PCDH15: variants seen among roughly 807,000 people sequenced by gnomAD.
The protein encoded by PCDH15 is protocadherin-15.
PCDH15 carries 129 observed loss-of-function variants against 178.5 expected under a neutral mutation model. The observed-to-expected ratio is 0.72, with a 90% CI of 0.63 to 0.84. The LOEUF (loss-of-function observed/expected upper bound fraction) is 0.84. Ranked by LOEUF, PCDH15 falls within the 40% of genes least tolerant of loss-of-function variation. The probability of loss-of-function intolerance (pLI) is 0.00; values close to 1 mark genes in which losing one functional copy is unlikely to be tolerated. For synonymous variants in PCDH15, 800 were observed against 732.0 expected (o/e 1.09, Z -1.50); for missense variants, 2,230 against 2,099.9 (o/e 1.06, Z -1.21).
intron 2 of PCDH15, among the ~76,000 whole-genome samples, chr10:55,164,573 A>C (rs1403817111): frequency 1.3e-5 from 2 of 152,168 alleles, no homozygotes; most frequent in South Asian, 2.1e-4. Context: ...ATATTTCTGC[A>C]AAATTACCAA....
intron 1 of PCDH15, among the ~76,000 whole-genome samples, chr10:55,174,438 C>T (rs1159313065): frequency 6.6e-6 from 1 of 152,208 alleles, no homozygotes; most frequent in Non-Finnish European, 1.5e-5. Context: ...AACTGCAGGA[C>T]AGAGAAGCTT....
intron 2 of PCDH15, among the ~76,000 whole-genome samples, chr10:54,930,294 A>C (rs1315013776): frequency 6.6e-6 from 1 of 152,116 alleles, no homozygotes; most frequent in Non-Finnish European, 1.5e-5. Flanking sequence ...TGTAAATCAG[A>C]CACCACCTCC....
At chr10:54,372,719 A>G (rs904274812) in intron 4 of PCDH15, among the ~76,000 whole-genome samples, 2 of 151,908 alleles carry the variant, frequency 1.3e-5, no homozygotes, top group Non-Finnish European at 2.9e-5. Context: ...TTCATCAAAC[A>G]AAGAAGAAAA....
At chr10:54,503,223 A>ATGTG (rs1318349172) in intron 3 of PCDH15, among the ~76,000 whole-genome samples, 35 of 94,686 alleles carry the variant, frequency 3.7e-4, no homozygotes, top group African/African-American at 1.4e-3. Flanking sequence ...ATATACATAT[A>ATGTG]TATGTGTGTG....
intron 1 of PCDH15, among the ~76,000 whole-genome samples, chr10:54,800,049 A>G (rs1372533786): frequency 6.6e-6 from 1 of 152,116 alleles, no homozygotes; most frequent in Non-Finnish European, 1.5e-5. Context: ...GCAAATGAGT[A>G]TGACTTGGAG....
intron 2 of PCDH15, among the ~76,000 whole-genome samples, chr10:55,614,176 T>C (rs1203245870): frequency 6.6e-6 from 1 of 152,066 alleles, no homozygotes; most frequent in African/African-American, 2.4e-5. Flanking sequence ...AAATTTTACT[T>C]TAGGTTTGAA....
At chr10:55,455,433 G>T (rs900080242) in intron 2 of PCDH15, among the ~76,000 whole-genome samples, 1 of 151,838 alleles carries the variant, frequency 6.6e-6, no homozygotes, top group Non-Finnish European at 1.5e-5. Flanking sequence ...CTAGCATTCA[G>T]ATCCTTAATA....
At chr10:55,543,741 A>G (rs113561055) in intron 2 of PCDH15, among the ~76,000 whole-genome samples, 15 of 151,840 alleles carry the variant, frequency 9.9e-5, no homozygotes, top group African/African-American at 3.1e-4. Context: ...AACAAGCAAC[A>G]TAAGATTGTG....
At chr10:54,242,128 TTTTATATATATA>T (rs1336848462) in intron 8 of PCDH15, among the ~76,000 whole-genome samples, 2,192 of 61,912 alleles carry the variant, frequency 0.035, 142 homozygotes, top group South Asian at 0.044. Context: ...TGAATTCTAT[TTTTATATATATA>T]TATATATATA....
At chr10:55,026,687 G>A (rs541114510) in intron 2 of PCDH15, among the ~76,000 whole-genome samples, 1 of 152,050 alleles carries the variant, frequency 6.6e-6, no homozygotes, top group East Asian at 1.9e-4. Flanking sequence ...GCTTTAAAGA[G>A]AGAATGAGGG....
intron 8 of PCDH15, among the ~76,000 whole-genome samples, chr10:54,299,695 C>G (rs2060031989): frequency 6.6e-6 from 1 of 152,082 alleles, no homozygotes; most frequent in African/African-American, 2.4e-5. Flanking sequence ...TCCTCCCAGG[C>G]AGTTAAGGGA....
chr10:53,813,063 A>G (rs1270236587), intron 35 of PCDH15, among the ~76,000 whole-genome samples: 6 of 152,190 alleles, frequency 3.9e-5, no homozygotes, highest in Non-Finnish European at 7.3e-5. Context: ...AATGACACCA[A>G]CACTGTGGAT....
At chr10:55,222,730 C>CACACACACACATATATATATATATAT in intron 1 of PCDH15, among the ~76,000 whole-genome samples, 1 of 121,270 alleles carries the variant, frequency 8.2e-6, no homozygotes, top group African/African-American at 3.4e-5. Flanking sequence ...CACACACACA[C>CACACACACACATATATATATATATAT]ATATATATAT....
intron 7 of PCDH15, among the ~76,000 whole-genome samples, chr10:54,325,967 CATTTT>C (rs1937969639): frequency 6.6e-6 from 1 of 151,952 alleles, no homozygotes; most frequent in Admixed American, 6.6e-5. Context: ...AATGGAGGTA[CATTTT>C]AGATATATGG....
At chr10:55,317,719 G>T (rs1308959278) in intron 1 of PCDH15, among the ~76,000 whole-genome samples, 2 of 138,978 alleles carry the variant, frequency 1.4e-5, no homozygotes, top group African/African-American at 5.2e-5. Context: ...GCTTAAAACA[G>T]AAAAAAAAAA....
At chr10:53,988,866 A>T (rs2091283264) in intron 21 of PCDH15, among the ~76,000 whole-genome samples, 1 of 151,716 alleles carries the variant, frequency 6.6e-6, no homozygotes. Flanking sequence ...CTGTTAAAAG[A>T]AAAGCTTTAG....
intron 1 of PCDH15, among the ~76,000 whole-genome samples, chr10:55,248,246 C>A (rs1186324118): frequency 6.6e-6 from 1 of 151,352 alleles, no homozygotes; most frequent in Non-Finnish European, 1.5e-5. Flanking sequence ...TACTATATAT[C>A]AGATTTTATG....
intron 8 of PCDH15, among the ~76,000 whole-genome samples, chr10:54,271,648 G>A (rs912985205): frequency 3.3e-5 from 5 of 152,008 alleles, no homozygotes; most frequent in African/African-American, 1.2e-4. Flanking sequence ...GCAGTTCATT[G>A]CATTTATCCA....
At chr10:54,938,292 G>GCTTTCACATGCCAGCAATA (rs1443068482) in intron 2 of PCDH15, among the ~76,000 whole-genome samples, 284 of 125,094 alleles carry the variant, frequency 2.3e-3, no homozygotes, top group Middle Eastern at 8.7e-3. Context: ...TTTCGGTTTA[G>GCTTTCACATGCCAGCAATA]CATAGTGTAT....
Sources: gnomAD v4.1 joint callset for allele counts (sites outside exome capture counted in the v4.1 genomes callset) on GRCh38, gnomAD v4.1.1 for gene constraint, MANE v1.5 for transcripts, NCBI Gene and HGNC (gene_info 2026-07-23, HGNC 2026-07-21) for gene names.